Variants in NAV1 observed in about 807,000 individuals in gnomAD.
NAV1 encodes neuron navigator 1, also known as pore membrane and/or filament interacting like protein 3.
A neutral mutation model predicts 175.2 loss-of-function variants in NAV1; 18 were observed. The observed-to-expected ratio is 0.10, with a 90% confidence interval of 0.07 to 0.15. The LOEUF (loss-of-function observed/expected upper bound fraction) is 0.15. Ranked by LOEUF, NAV1 falls within the 10% of genes least tolerant of loss-of-function variation. The pLI is 1.00. For synonymous variants in NAV1, 897 were observed against 978.7 expected (o/e 0.92, Z 1.56); for missense variants, 1,731 against 2,436.6 (o/e 0.71, Z 6.10).
chr1:201,810,150 G>A lies in NAV1; in HGVS notation c.4561+45G>A. ...GGTGAGGTGGTGTGGCATGAAGGCA[G>A]GGACAGGATCATCAAATAATCCATC... On this transcript the variant is annotated intron_variant, in intron 23 of 29. Coordinates refer to ENST00000367296, the Ensembl canonical transcript of NAV1. This position sits in a 1 kb window ranked among gnomAD's most constrained non-coding sequence, Gnocchi z 6.0. 6.3e-7 allele frequency: 1 copy of A among 1,599,140 alleles called. No individual in the cohort carries two copies. Among genetic ancestry groups the A allele is most frequent in the Non-Finnish European group, 8.5e-7 (1 of 1,170,412 alleles).
At chr1:201,776,364 G>A (rs548949538) in intron 3 of NAV1, among the ~76,000 whole-genome samples, 4 of 147,118 alleles carry the variant, frequency 2.7e-5, no homozygotes, top group South Asian at 4.3e-4. Flanking sequence ...AAAAAAGTTC[G>A]GGCATGGTGG....
chr1:201,664,398 C>T (rs557421436), intron 1 of NAV1, among the ~76,000 whole-genome samples: 32 of 152,098 alleles, frequency 2.1e-4, no homozygotes, highest in Non-Finnish European at 4.6e-4. Context: ...CATGAGATTC[C>T]GAGTCAATTA....
At chr1:201,647,428 T>C (rs1457677964), upstream of NAV1, among the ~76,000 whole-genome samples, 2 of 152,222 alleles carry the variant, frequency 1.3e-5, no homozygotes, top group Non-Finnish European at 2.9e-5. Flanking sequence ...ACACAGGCCT[T>C]TACAGTTCCA....
rs189879950 is a variant in NAV1, at chr1:201,736,914, C to T, written c.1226+18159C>T. 1.1e-3 allele frequency among the ~76,000 whole-genome samples: 167 copies of T among 152,060 alleles called. 2 individuals carry two copies. Among genetic ancestry groups the T allele is most frequent in the Admixed American group, 6.0e-3 (91 of 15,264 alleles). On this transcript the variant is annotated intron_variant, in intron 3 of 29. Transcript: ENST00000367296. Reference sequence around the variant, plus strand: ...CATCCTCCTCTACCATGTGTCCCTCCGCTGCCCCCCACTCCCTGCACCCCA... The same window carrying T: ...CATCCTCCTCTACCATGTGTCCCTCTGCTGCCCCCCACTCCCTGCACCCCA...
At chr1:201,588,404 G>A (rs1434684750) in intron 1 of NAV1, among the ~76,000 whole-genome samples, 135 bp from the exon 2 acceptor site, 3 of 152,210 alleles carry the variant, frequency 2.0e-5, no homozygotes, top group Admixed American at 6.5e-5. Flanking sequence ...CTGGAGTGCA[G>A]TGACACAATC....
intron 8 of NAV1, 105 bp from the exon 13 acceptor site, chr1:201,786,324 T>G (rs2102728635): frequency 8.3e-7 from 1 of 1,204,888 alleles, no homozygotes; most frequent in Non-Finnish European, 1.2e-6. Context: ...ATGTCCTGCT[T>G]TCAGAATCTC....
chr1:201,766,884 G>A (rs1271538060), intron 3 of NAV1, among the ~76,000 whole-genome samples: 7 of 151,938 alleles, frequency 4.6e-5, no homozygotes, highest in South Asian at 2.1e-4. Flanking sequence ...GTGCAGTGGC[G>A]CGATCTCAGC....
intron 1 of NAV1, among the ~76,000 whole-genome samples, chr1:201,703,267 G>A (rs772925231): frequency 6.6e-6 from 1 of 152,310 alleles, no homozygotes; most frequent in Non-Finnish European, 1.5e-5. Flanking sequence ...AAGGCCTGTT[G>A]GGGAACAGAG....
intron 1 of NAV1, among the ~76,000 whole-genome samples, chr1:201,542,476 G>A (rs925804963): frequency 3.3e-5 from 5 of 152,116 alleles, no homozygotes; most frequent in South Asian, 2.1e-4. Context: ...CCTCCAACTA[G>A]TCTAGCGAAA....
chr1:201,729,392 C>T (rs1272916603), intron 3 of NAV1, among the ~76,000 whole-genome samples: 2 of 152,222 alleles, frequency 1.3e-5, no homozygotes, highest in African/African-American at 2.4e-5. Flanking sequence ...CACCTGTAAT[C>T]CCAACACTTT....
chr1:201,568,725 C>A (rs557617377), intron 1 of NAV1, among the ~76,000 whole-genome samples: 6 of 152,134 alleles, frequency 3.9e-5, no homozygotes, highest in African/African-American at 1.4e-4. Context: ...ATAAACAATG[C>A]GTGTTTGCAC....
intron 1 of NAV1, among the ~76,000 whole-genome samples, chr1:201,628,601 G>T (rs115780531): frequency 0.011 from 1,725 of 152,156 alleles, 29 homozygotes; most frequent in African/African-American, 0.039. Context: ...CCTCCTGCCT[G>T]CACAGCCCTC....
chr1:201,551,446 C>T (rs1031345898), intron 1 of NAV1, among the ~76,000 whole-genome samples: 2 of 152,160 alleles, frequency 1.3e-5, no homozygotes, highest in Non-Finnish European at 2.9e-5. Context: ...CCAGGCTGGT[C>T]TGGAACTCCG....
chr1:201,710,605 A>G (rs946987138), intron 1 of NAV1, among the ~76,000 whole-genome samples: 1 of 152,192 alleles, frequency 6.6e-6, no homozygotes, highest in Non-Finnish European at 1.5e-5. Context: ...CTCCTATACA[A>G]CAGTCACCAT....
intron 1 of NAV1, among the ~76,000 whole-genome samples, chr1:201,702,331 T>C (rs952194482): frequency 2.6e-5 from 4 of 152,216 alleles, no homozygotes; most frequent in Non-Finnish European, 5.9e-5. Flanking sequence ...TGTGCAAATA[T>C]ACTAAAAACA....
At chr1:201,653,111 C>A (rs77105932) in intron 1 of NAV1, among the ~76,000 whole-genome samples, 2,059 of 152,256 alleles carry the variant, frequency 0.014, 64 homozygotes, top group African/African-American at 0.048. Context: ...TTCATGTGAT[C>A]ATAATGCCAA....
At chr1:201,742,948 T>A (rs1673525973) in intron 3 of NAV1, among the ~76,000 whole-genome samples, 2 of 152,194 alleles carry the variant, frequency 1.3e-5, no homozygotes, top group African/African-American at 4.8e-5. Flanking sequence ...GGACAGTCCG[T>A]GTCTAACATC....
chr1:201,628,328 T>A lies in NAV1; in HGVS notation c.-100-1076T>A, dbSNP rs370626337. 3.9e-4 allele frequency among the ~76,000 whole-genome samples: 60 copies of A among 152,112 alleles called. 1 individual carries two copies. The East Asian group carries it at 8.9e-3, about 23-fold the overall frequency. On this transcript the variant is annotated intron_variant, in intron 1 of 29. Transcript: ENST00000367302. ...ACTGCCTAAATAGCTTAGAAAAAGC[T>A]GAGCAGAAGCAGCAAACACCTCACA...
At chr1:201,759,818 C>G (rs1486761564) in intron 3 of NAV1, among the ~76,000 whole-genome samples, 11 of 152,154 alleles carry the variant, frequency 7.2e-5, no homozygotes, top group Non-Finnish European at 1.5e-4. Context: ...ATTCTCCTAC[C>G]TTCTCGTGAC....
Sources: allele counts gnomAD v4.1 joint callset (sites outside exome capture counted in the v4.1 genomes callset), GRCh38; gene constraint gnomAD v4.1.1; non-coding constraint Gnocchi (gnomAD v3.1); transcripts MANE v1.5; gene names NCBI Gene and HGNC (gene_info 2026-07-23, HGNC 2026-07-21).